The following PPP4R2 variants were observed in gnomAD, a reference collection of about 807,000 sequenced individuals.
The protein encoded by PPP4R2 is serine/threonine-protein phosphatase 4 regulatory subunit 2.
Under a neutral mutation model 47.2 loss-of-function variants are expected in PPP4R2, and 13 were observed. That is an observed-to-expected ratio of 0.28 (90% CI 0.18 to 0.44). The LOEUF (loss-of-function observed/expected upper bound fraction) is 0.44. Ranked by LOEUF, PPP4R2 falls within the 20% of genes least tolerant of loss-of-function variation. The pLI, the probability that PPP4R2 is intolerant of heterozygous loss-of-function variation, is 1.00. For missense variants in PPP4R2, 421 were observed against 491.2 expected, an observed-to-expected ratio of 0.86 and a Z score of 1.35; for synonymous variants, 151 against 163.3, an observed-to-expected ratio of 0.92 and a Z score of 0.57.
At position 73,015,985 on chromosome 3, in the gene PPP4R2, C is replaced by T. The variant is rs1468576524; in HGVS notation, c.116+17827C>T. On this transcript the variant is annotated intron_variant, in intron 2 of 8. Coordinates refer to ENST00000356692, the MANE Select transcript of PPP4R2 (RefSeq NM_174907.4). The stretch of plus-strand genomic sequence containing the variant: ...GTTTCACCATGTTATCCAGGCTGGT[C>T]TCGAACTCCTGACCTCAAGTATCTG... 15 of 198,646 alleles carry T rather than the reference C, an allele frequency of 7.6e-5. No individual in the cohort carries two copies. The Admixed American group carries it at 8.9e-4, about 12-fold the overall frequency. The allele number at this position is 198,646 out of a possible 1,614,324, so 12.3% of individuals were successfully genotyped here.
chr3:73,038,367 T>C (rs1209364626), intron 2 of PPP4R2, among the ~76,000 whole-genome samples: 3 of 152,070 alleles, frequency 2.0e-5, no homozygotes, highest in African/African-American at 7.2e-5. Flanking sequence ...GACATTTTTT[T>C]TTCTTTTTGT....
At chr3:73,019,618 C>T (rs1701919337) in intron 2 of PPP4R2, among the ~76,000 whole-genome samples, 1 of 152,204 alleles carries the variant, frequency 6.6e-6, no homozygotes, top group Non-Finnish European at 1.5e-5. Context: ...AGATGATCTG[C>T]TCCCTTTGGC....
At chr3:73,016,200 A>C (rs890086897) in intron 2 of PPP4R2, 1 of 152,226 alleles carries the variant, frequency 6.6e-6, no homozygotes, top group Non-Finnish European at 1.5e-5. Flanking sequence ...TTATTTGAAG[A>C]TGTGTGAGAT....
intron 2 of PPP4R2, among the ~76,000 whole-genome samples, chr3:73,045,526 A>AT (rs10659714): frequency 0.14 from 18,830 of 139,328 alleles, 1,627 homozygotes; most frequent in East Asian, 0.33. Context: ...CATTCTCCTA[A>AT]TTTTTTTTTT....
intron 2 of PPP4R2, among the ~76,000 whole-genome samples, chr3:73,012,277 C>T (rs1701740834): frequency 2.0e-5 from 3 of 152,116 alleles, no homozygotes. Flanking sequence ...CTCCACATTT[C>T]AGTACAATTT....
chr3:73,022,319 AT>A (rs1022526223), intron 2 of PPP4R2, among the ~76,000 whole-genome samples: 2 of 144,810 alleles, frequency 1.4e-5, no homozygotes, highest in African/African-American at 4.9e-5. Flanking sequence ...TAAGAGAGTA[AT>A]TTTTTTCAGT....
At chr3:73,063,852 G>A (rs925395760) in intron 6 of PPP4R2, 105 bp downstream of exon 6, 1 of 1,097,480 alleles carries the variant, frequency 9.1e-7, no homozygotes, top group Non-Finnish European at 1.4e-6. Context: ...GACACCATAG[G>A]ATGAACTACA....
At chr3:73,033,848 A>T (rs1033273765) in intron 2 of PPP4R2, among the ~76,000 whole-genome samples, 3 of 152,156 alleles carry the variant, frequency 2.0e-5, no homozygotes, top group Non-Finnish European at 4.4e-5. Context: ...CCTTTTAGCC[A>T]TTGTGAATAA....
At chr3:73,007,344 G>A (rs1411535190) in intron 2 of PPP4R2, among the ~76,000 whole-genome samples, 1 of 152,096 alleles carries the variant, frequency 6.6e-6, no homozygotes, top group Non-Finnish European at 1.5e-5. Context: ...GAAAATAAAA[G>A]GTGGTTTAAA....
intron 2 of PPP4R2, among the ~76,000 whole-genome samples, chr3:73,035,203 C>T (rs1702239863): frequency 6.6e-6 from 1 of 152,046 alleles, no homozygotes; most frequent in Admixed American, 6.6e-5. Flanking sequence ...AAATCGCAAC[C>T]ACGATGAGAT....
intron 2 of PPP4R2, among the ~76,000 whole-genome samples, chr3:73,001,912 C>G (rs747213438): frequency 9.9e-5 from 15 of 152,188 alleles, no homozygotes; most frequent in Non-Finnish European, 1.6e-4. Context: ...CAGGCGTGAA[C>G]CATCGCCCCC....
intron 2 of PPP4R2, among the ~76,000 whole-genome samples, chr3:73,024,663 T>C (rs1481349583): frequency 6.6e-6 from 1 of 152,140 alleles, no homozygotes; most frequent in East Asian, 1.9e-4. Flanking sequence ...CCCTCCCTCC[T>C]TCTCCTTTCC....
intron 2 of PPP4R2, among the ~76,000 whole-genome samples, chr3:73,037,552 A>C (rs1702290097): frequency 6.6e-6 from 1 of 152,198 alleles, no homozygotes; most frequent in Admixed American, 6.5e-5. Context: ...GATAGAGGTC[A>C]GGGATGCAAA....
chr3:72,997,975 G>C, intron 1 of PPP4R2, 102 bp from the exon 2 acceptor site: 1 of 806,706 alleles, frequency 1.2e-6, no homozygotes, highest in East Asian at 2.5e-5. Flanking sequence ...TTTTAATTTT[G>C]TATTTAATTG....
In PPP4R2 at chr3:73,065,676, A is replaced by T; in HGVS notation, c.1208A>T (p.Asp403Val). 6.2e-7 allele frequency: 1 copy of T among 1,610,260 alleles called. No homozygotes were observed. Among genetic ancestry groups the T allele is most frequent in the Non-Finnish European group, 8.5e-7 (1 of 1,176,908 alleles). ...EILSESSMEN[D>V]DEATEVTDEP... is the part of the protein sequence containing the mutation. ...CTTTCAGAATCATCCATGGAAAATGATGACGAAGCCACAGAAGTCACCGAT... is the reference window on the plus strand; with the variant it reads ...CTTTCAGAATCATCCATGGAAAATGTTGACGAAGCCACAGAAGTCACCGAT... Residue 403 changes from aspartate to valine, a missense_variant, in exon 9 of 9, where the codon GAT (aspartate) becomes GTT (valine). Around this residue, in one of 2 missense-constraint regions of PPP4R2, gnomAD observed 317 missense variants for 287.5 expected, o/e 1.10. Transcript: ENST00000356692.
intron 2 of PPP4R2, among the ~76,000 whole-genome samples, chr3:73,016,730 T>TTTC (rs1362832688): frequency 1.8e-5 from 2 of 111,090 alleles, no homozygotes; most frequent in African/African-American, 3.6e-5. Flanking sequence ...TGGTTCATTG[T>TTTC]TTATTTTTAT....
chr3:73,009,243 A>G (rs1356523736), intron 2 of PPP4R2, among the ~76,000 whole-genome samples: 1 of 152,170 alleles, frequency 6.6e-6, no homozygotes, highest in Non-Finnish European at 1.5e-5. Context: ...AGTAGCGACT[A>G]CGAGTGGGGA....
chr3:73,058,566 A>G (rs1039332693), intron 3 of PPP4R2, among the ~76,000 whole-genome samples: 8 of 152,028 alleles, frequency 5.3e-5, no homozygotes, highest in Non-Finnish European at 7.4e-5. Context: ...TATGGGGTAC[A>G]TGAGATATTT....
At chr3:73,061,363 A>T (rs1702854929) in intron 5 of PPP4R2, 1 of 180,462 alleles carries the variant, frequency 5.5e-6, no homozygotes, top group African/African-American at 2.3e-5. Flanking sequence ...ATGCCTTTCC[A>T]GGGTGTCTCT....
Sources: gnomAD v4.1 joint callset for allele counts (sites outside exome capture counted in the v4.1 genomes callset) on GRCh38, gnomAD v4.1.1 for gene constraint, gnomAD v4.1.1 regional missense constraint, MANE v1.5 for transcripts, NCBI Gene and HGNC (gene_info 2026-07-23, HGNC 2026-07-21) for gene names.